The following MGAT5 variants were observed in gnomAD, a reference collection of about 807,000 sequenced individuals.
The protein encoded by MGAT5 is alpha-1,6-mannosylglycoprotein 6-beta-N-acetylglucosaminyltransferase, also known as alpha-1,6-mannosylglycoprotein 6-beta-N-acetylglucosaminyltransferase A.
A neutral mutation model predicts 94.3 loss-of-function variants in MGAT5; 30 were observed. That is an observed-to-expected ratio of 0.32 (90% CI 0.24 to 0.43). The LOEUF is 0.43. Among genes scored for constraint, MGAT5 ranks in the 20% least tolerant of loss-of-function variants. MGAT5 has a pLI of 1.00. For synonymous variants in MGAT5, 310 were observed against 322.9 expected (o/e 0.96, Z 0.43); for missense variants, 691 against 905.5 (o/e 0.76, Z 3.04).
In MGAT5 at chr2:134,322,713, C is replaced by A. The variant is rs530738782; in HGVS notation, c.573+3974C>A. Among the ~76,000 whole-genome samples, 27 of 152,240 alleles carry A rather than the reference C, an allele frequency of 1.8e-4. No homozygotes were observed. The South Asian group carries it at 3.9e-3, about 22-fold the overall frequency. On this transcript the variant is annotated intron_variant, in intron 4 of 15. Coordinates refer to ENST00000281923, the MANE Select transcript of MGAT5 (RefSeq NM_002410.5). ...GTTGGTTCACTTGTGTGGTTTTATT[C>A]TTTCCTGCTGTCTTGAAACTTTCCT...
chr2:134,209,001 A>G (rs889452715), intron 1 of MGAT5, among the ~76,000 whole-genome samples: 13 of 152,136 alleles, frequency 8.5e-5, no homozygotes, highest in Non-Finnish European at 1.5e-4. Context: ...CATCAGCATG[A>G]AGGAGGCCTT....
At chr2:134,273,986 A>G (rs2105664577) in intron 2 of MGAT5, among the ~76,000 whole-genome samples, 1 of 152,342 alleles carries the variant, frequency 6.6e-6, no homozygotes, top group East Asian at 1.9e-4. Flanking sequence ...TCCTTTTAGA[A>G]TGATGCTTTG....
intron 1 of MGAT5, among the ~76,000 whole-genome samples, chr2:134,166,572 C>T (rs530460193): frequency 1.3e-5 from 2 of 152,286 alleles, no homozygotes; most frequent in Admixed American, 1.3e-4. Flanking sequence ...CCTTTCTTGT[C>T]TGGCATTAAG....
chr2:134,447,657 G>A (rs535793345), intron 15 of MGAT5, among the ~76,000 whole-genome samples: 17 of 152,338 alleles, frequency 1.1e-4, no homozygotes, highest in Middle Eastern at 3.4e-3. Context: ...AGGTGAGGCC[G>A]CTGCCTCCTT....
At chr2:134,249,711 G>A (rs1682479173), upstream of MGAT5, among the ~76,000 whole-genome samples, 1 of 152,220 alleles carries the variant, frequency 6.6e-6, no homozygotes, top group Admixed American at 6.5e-5. Context: ...TATGGATACT[G>A]CTGCTGAGTA....
intron 11 of MGAT5, among the ~76,000 whole-genome samples, chr2:134,404,746 G>T (rs1266980254): frequency 2.0e-5 from 3 of 152,186 alleles, no homozygotes; most frequent in Non-Finnish European, 4.4e-5. Context: ...ATTGGCCAAA[G>T]ACCTGGTTTG....
intron 1 of MGAT5, among the ~76,000 whole-genome samples, chr2:134,234,001 G>A (rs911193379): frequency 6.6e-6 from 1 of 152,196 alleles, no homozygotes; most frequent in African/African-American, 2.4e-5. Context: ...CTTCTGAGGT[G>A]TATCTCTGAG....
rs1281673963 is a variant in MGAT5 at position 134,450,177 on chromosome 2, A to G, written c.*1330A>G. On this transcript the variant is annotated 3_prime_UTR_variant, in exon 16 of 16. Coordinates refer to ENST00000281923, the MANE Select transcript of MGAT5 (RefSeq NM_002410.5). Reference sequence around the variant, plus strand: ...CTGAATCATTGCTGCCATGCTCTGTACAAGTTTGTAAGTTTCTGAAAAGCC... The same window carrying G: ...CTGAATCATTGCTGCCATGCTCTGTGCAAGTTTGTAAGTTTCTGAAAAGCC... 1 of 152,180 alleles carries G rather than the reference A, an allele frequency of 6.6e-6. No homozygotes were observed. The highest frequency in any genetic ancestry group is 1.5e-5 in the Non-Finnish European group (1 of 68,094). The allele number at this position is 152,180 out of a possible 1,614,324, so 9.4% of individuals were successfully genotyped here.
intron 1 of MGAT5, among the ~76,000 whole-genome samples, chr2:134,254,940 T>G (rs1682840511): frequency 6.6e-6 from 1 of 152,214 alleles, no homozygotes; most frequent in African/African-American, 2.4e-5. Flanking sequence ...AGGAACCATG[T>G]GATCTCATGT....
intron 1 of MGAT5, among the ~76,000 whole-genome samples, chr2:134,129,062 C>T (rs1458159806): frequency 6.6e-6 from 1 of 152,208 alleles, no homozygotes; most frequent in Non-Finnish European, 1.5e-5. Context: ...CAGCTAAAGC[C>T]ACACACATTT....
intron 14 of MGAT5, among the ~76,000 whole-genome samples, chr2:134,429,565 T>G (rs1296321848): frequency 6.6e-6 from 1 of 152,228 alleles, no homozygotes; most frequent in Admixed American, 6.5e-5. Flanking sequence ...AGGGCTGATG[T>G]GAGGATTTAA....
rs1297437365 is a variant in MGAT5 at position 134,349,798 on chromosome 2, C to G, written c.1113-7C>G. Reference sequence around the variant, plus strand: ...GTAGTGTTCAACACATTGCTTTTTTCTTTCAGGTGCATGCTCCGAGTCCTT... The same window carrying G: ...GTAGTGTTCAACACATTGCTTTTTTGTTTCAGGTGCATGCTCCGAGTCCTT... On this transcript the variant is annotated splice_polypyrimidine_tract_variant and splice_region_variant and intron_variant, in intron 8 of 15. Coordinates refer to ENST00000281923, the MANE Select transcript of MGAT5 (RefSeq NM_002410.5). The G allele has an allele frequency of 1.2e-6, 2 of 1,611,956 alleles. No homozygotes were observed. The highest frequency in any genetic ancestry group is 8.5e-7 in the Non-Finnish European group (1 of 1,179,214).
At chr2:134,370,660 C>A (rs1305277438) in intron 10 of MGAT5, among the ~76,000 whole-genome samples, 1 of 152,248 alleles carries the variant, frequency 6.6e-6, no homozygotes, top group Non-Finnish European at 1.5e-5. Flanking sequence ...GCCATGGTTA[C>A]CTGTGCCTGT....
At chr2:134,307,230 T>G (rs1686379386) in intron 2 of MGAT5, among the ~76,000 whole-genome samples, 1 of 152,168 alleles carries the variant, frequency 6.6e-6, no homozygotes, top group African/African-American at 2.4e-5. Context: ...ATTCTTAATT[T>G]GTTCTGAAGA....
At chr2:134,198,131 G>A (rs6761862) in intron 1 of MGAT5, among the ~76,000 whole-genome samples, 3,182 of 152,270 alleles carry the variant, frequency 0.021, 100 homozygotes, top group African/African-American at 0.073. Context: ...AGCCTGTATA[G>A]CCAAGAAGGG....
rs780356263 is a variant in MGAT5, at chr2:134,318,643, G to A, written c.484-7G>A. 12 of 1,610,620 alleles carry A rather than the reference G, an allele frequency of 7.5e-6. No individual in the cohort carries two copies. In the Admixed American group the frequency reaches 2.0e-4, roughly 27 times the overall value. ...TGGGCTGCTCAGAGATGTTCTTCTTGTTTCAGTGGATGAAAGACATGTGGC... is the reference window on the plus strand; with the variant it reads ...TGGGCTGCTCAGAGATGTTCTTCTTATTTCAGTGGATGAAAGACATGTGGC... On this transcript the variant is annotated splice_region_variant and splice_polypyrimidine_tract_variant and intron_variant, in intron 3 of 15. Transcript: ENST00000281923.
At position 134,318,752 on chromosome 2, in the gene MGAT5, C is replaced by A; in HGVS notation, c.573+13C>A. The A allele has an allele frequency of 6.3e-7, 1 of 1,586,240 alleles. No homozygotes were observed. The highest frequency in any genetic ancestry group is 1.1e-5 in the South Asian group (1 of 90,510). On this transcript the variant is annotated intron_variant, in intron 4 of 15. Transcript: ENST00000281923. ...TTACCTCAGTGAGGTGAGTAGCTTT[C>A]TGTGGCTCCTGGGGGTAGATGTGAC...
At chr2:134,273,579 TGAA>T (rs1227825278) in intron 2 of MGAT5, among the ~76,000 whole-genome samples, 1 of 152,048 alleles carries the variant, frequency 6.6e-6, no homozygotes, top group African/African-American at 2.4e-5. Context: ...CCATAGCAAT[TGAA>T]GAAGGATTCC....
chr2:134,422,910 A>G lies in MGAT5; in HGVS notation c.1785A>G (p.Leu595=). The change falls in exon 13 of 16, where the codon TTA becomes TTG. Residue 595 remains leucine, a synonymous_variant. Transcript: ENST00000281923. Reference sequence around the variant, plus strand: ...TAGAGGATGCAGTGAAAGCAATTTTAAATCAGAAGGTTGGTTCATTTTATT... The same window carrying G: ...TAGAGGATGCAGTGAAAGCAATTTTGAATCAGAAGGTTGGTTCATTTTATT... ...EEVEDAVKAI[L]NQKIEPYMPY... 1 of 1,612,254 alleles carries G rather than the reference A, an allele frequency of 6.2e-7. No homozygotes were observed. Among genetic ancestry groups the G allele is most frequent in the Non-Finnish European group, 8.5e-7 (1 of 1,178,376 alleles).
Sources: allele counts gnomAD v4.1 joint callset (sites outside exome capture counted in the v4.1 genomes callset), GRCh38; gene constraint gnomAD v4.1.1; transcripts MANE v1.5; gene names NCBI Gene and HGNC (gene_info 2026-07-23, HGNC 2026-07-21).